KLRG1: variants seen among roughly 807,000 people sequenced by gnomAD.
KLRG1 encodes the protein killer cell lectin like receptor G1.
In KLRG1, 16 loss-of-function variants were observed where a neutral mutation model predicts 21.8. That is an observed-to-expected ratio of 0.73 (90% CI 0.50 to 1.11). KLRG1 has a LOEUF of 1.11. Among genes scored for constraint, KLRG1 ranks in the 50% most tolerant of loss-of-function variants. KLRG1 has a pLI of 0.00. For synonymous variants in KLRG1, 69 were observed against 75.9 expected (o/e 0.91, Z 0.47); for missense variants, 173 against 218.3 (o/e 0.79, Z 1.31).
At chr12:8,981,929 T>C (rs778590686) in intron 1 of KLRG1, among the ~76,000 whole-genome samples, 1 of 152,338 alleles carries the variant, frequency 6.6e-6, no homozygotes, top group Non-Finnish European at 1.5e-5. Context: ...TGCATACTTA[T>C]TTATAGTTGT....
chr12:9,146,991 T>C, the KLRG1 span, among the ~76,000 whole-genome samples: 3 of 152,130 alleles, frequency 2.0e-5, no homozygotes, highest in African/African-American at 7.2e-5. Context: ...AGGGGAAGGA[T>C]TAATGGCATC....
chr12:9,050,694 C>A, the KLRG1 span, among the ~76,000 whole-genome samples: 1 of 152,200 alleles, frequency 6.6e-6, no homozygotes, highest in Non-Finnish European at 1.5e-5. Context: ...CAGCTGCAGA[C>A]CTGGGCCTCG....
At chr12:9,035,125 T>C in the KLRG1 span, among the ~76,000 whole-genome samples, 1 of 152,208 alleles carries the variant, frequency 6.6e-6, no homozygotes, top group Non-Finnish European at 1.5e-5. Flanking sequence ...TGGTAAGCTG[T>C]GCGTTCATAC....
At chr12:9,129,771 A>G in the KLRG1 span, among the ~76,000 whole-genome samples, 6 of 152,128 alleles carry the variant, frequency 3.9e-5, no homozygotes, top group African/African-American at 1.4e-4. Flanking sequence ...GATGGTCTAG[A>G]TCTCCTGACC....
the KLRG1 span, among the ~76,000 whole-genome samples, chr12:9,045,614 A>G: frequency 6.6e-6 from 1 of 152,364 alleles, no homozygotes; most frequent in East Asian, 1.9e-4. Context: ...GGGATCTAAT[A>G]GAAAAAGTGG....
At chr12:9,189,060 T>C in the KLRG1 span, among the ~76,000 whole-genome samples, 64 of 152,080 alleles carry the variant, frequency 4.2e-4, no homozygotes, top group Non-Finnish European at 8.2e-4. Flanking sequence ...ATCATGAAAA[T>C]GGTCATATTG....
chr12:9,027,792 A>G, the KLRG1 span: 2 of 1,339,330 alleles, frequency 1.5e-6, no homozygotes, highest in African/African-American at 1.4e-5. Context: ...ATCCACCACA[A>G]CCACAGCTGC....
the KLRG1 span, among the ~76,000 whole-genome samples, chr12:9,019,348 A>T: frequency 2.0e-5 from 3 of 152,154 alleles, no homozygotes; most frequent in Non-Finnish European, 4.4e-5. Flanking sequence ...ACCACTGTGG[A>T]CAACAATATG....
At chr12:9,147,081 G>C in the KLRG1 span, among the ~76,000 whole-genome samples, 1 of 152,184 alleles carries the variant, frequency 6.6e-6, no homozygotes, top group African/African-American at 2.4e-5. Flanking sequence ...CGACTGGCAA[G>C]GCAGATGTCA....
the KLRG1 span, among the ~76,000 whole-genome samples, chr12:9,102,120 G>A: frequency 1.3e-5 from 2 of 152,118 alleles, no homozygotes; most frequent in Non-Finnish European, 2.9e-5. Context: ...GTAACCTTAG[G>A]GGTCTGAGAA....
chr12:9,060,522 C>T, the KLRG1 span, among the ~76,000 whole-genome samples: 1 of 152,052 alleles, frequency 6.6e-6, no homozygotes, highest in Non-Finnish European at 1.5e-5. Flanking sequence ...GTTCCAGCTC[C>T]TAGGGAGGCT....
At chr12:9,029,856 G>A in the KLRG1 span, among the ~76,000 whole-genome samples, 1 of 151,914 alleles carries the variant, frequency 6.6e-6, no homozygotes, top group Non-Finnish European at 1.5e-5. Context: ...TCCTGGGTAC[G>A]AGCGATTCTC....
the KLRG1 span, chr12:9,115,793 C>A: frequency 6.2e-7 from 1 of 1,613,316 alleles, no homozygotes; most frequent in Non-Finnish European, 8.5e-7. Context: ...CGTCTGTGGG[C>A]AGGAGGACCA....
chr12:8,983,503 C>T (rs991917326), intron 1 of KLRG1, among the ~76,000 whole-genome samples: 4 of 146,052 alleles, frequency 2.7e-5, no homozygotes, highest in Non-Finnish European at 5.9e-5. Flanking sequence ...TGGGTTCAAG[C>T]GATTCTCCTG....
At chr12:9,179,467 A>G in the KLRG1 span, among the ~76,000 whole-genome samples, 1 of 152,226 alleles carries the variant, frequency 6.6e-6, no homozygotes, top group Non-Finnish European at 1.5e-5. Flanking sequence ...ATATAACTAT[A>G]GTCAAAAGCA....
the KLRG1 span, among the ~76,000 whole-genome samples, chr12:9,073,507 T>C: frequency 6.6e-6 from 1 of 152,224 alleles, no homozygotes; most frequent in East Asian, 1.9e-4. Flanking sequence ...CTCCTTCAAA[T>C]AATATGTTTC....
the KLRG1 span, among the ~76,000 whole-genome samples, chr12:9,183,344 T>C: frequency 6.6e-6 from 1 of 152,212 alleles, no homozygotes; most frequent in Non-Finnish European, 1.5e-5. Context: ...TCCATCACTA[T>C]AGTAGTCATT....
the KLRG1 span, chr12:9,093,425 C>T: frequency 2.2e-6 from 3 of 1,353,136 alleles, no homozygotes; most frequent in South Asian, 2.4e-5. Flanking sequence ...TAGTCAGGGA[C>T]CTCTATTGTT....
chr12:8,956,118 C>A (rs1946288317), intron 1 of KLRG1, among the ~76,000 whole-genome samples: 1 of 152,150 alleles, frequency 6.6e-6, no homozygotes, highest in South Asian at 2.1e-4. Context: ...TCAGTGTAAC[C>A]TCATTCTTCT....
Sources: gnomAD v4.1 joint callset for allele counts (sites outside exome capture counted in the v4.1 genomes callset) on GRCh38, gnomAD v4.1.1 for gene constraint, MANE v1.5 for transcripts, NCBI Gene and HGNC (gene_info 2026-07-23, HGNC 2026-07-21) for gene names.